Variants in ASTN1 observed in about 807,000 individuals in gnomAD.
ASTN1 encodes the protein astrotactin-1.
A neutral mutation model predicts 140.7 loss-of-function variants in ASTN1; 41 were observed. The observed-to-expected ratio is 0.29, with a 90% CI of 0.23 to 0.38. The LOEUF (loss-of-function observed/expected upper bound fraction) is 0.38, where lower values mean the gene tolerates loss of function less well. Among genes scored for constraint, ASTN1 ranks in the 10% least tolerant of loss-of-function variants. ASTN1 has a pLI of 1.00. For missense variants in ASTN1, 1,479 were observed against 1,678.8 expected (o/e 0.88, Z 2.08); for synonymous variants, 640 against 652.2 (o/e 0.98, Z 0.29).
chr1:177,056,562 C>CATATATATATAT (rs146444597), intron 2 of ASTN1, among the ~76,000 whole-genome samples: 8 of 136,320 alleles, frequency 5.9e-5, no homozygotes, highest in Admixed American at 1.5e-4. Flanking sequence ...AGAAAAATTT[C>CATATATATATAT]ATATATATAT....
Position 176,899,405 on chromosome 1 carries a change from T to G in ASTN1, c.2672-4575A>C, listed in dbSNP as rs554787930. On this transcript the variant is annotated intron_variant, in intron 16 of 22. Transcript: ENST00000361833. ...GGTAACTGACAGGCCATGAGGTGAA[T>G]TAGTTGTTAGGAAGTAAATTGGTAC... 7.9e-5 allele frequency among the ~76,000 whole-genome samples: 12 copies of G among 151,946 alleles called. 1 individual carries two copies. The East Asian group carries it at 1.9e-3, about 25-fold the overall frequency.
At chr1:177,015,015 T>C (rs1675478150) in intron 7 of ASTN1, 140 bp from the exon 8 acceptor site, 2 of 699,714 alleles carry the variant, frequency 2.9e-6, no homozygotes, top group Non-Finnish European at 4.9e-6. Flanking sequence ...AGTTCCATTA[T>C]GTCATATACT....
downstream of ASTN1, among the ~76,000 whole-genome samples, chr1:176,858,582 A>C (rs1179820067): frequency 6.6e-6 from 1 of 152,226 alleles, no homozygotes; most frequent in African/African-American, 2.4e-5. Context: ...AGTGAGAGTC[A>C]CAATTTCTTG....
At chr1:176,940,901 G>T (rs74127263) in intron 14 of ASTN1, among the ~76,000 whole-genome samples, 4,044 of 152,274 alleles carry the variant, frequency 0.027, 163 homozygotes, top group African/African-American at 0.091. Flanking sequence ...TTACTGCAGG[G>T]CTTCTAGGAA....
intron 16 of ASTN1, among the ~76,000 whole-genome samples, chr1:176,901,476 G>A (rs1206833703): frequency 1.3e-5 from 2 of 152,202 alleles, no homozygotes; most frequent in Non-Finnish European, 1.5e-5. Flanking sequence ...AAGAGCAGCT[G>A]GGGTGAAAGG....
rs143170220 is a variant in ASTN1, at chr1:176,917,202, T to G, written c.2671+16950A>C. Reference sequence around the variant, plus strand: ...TGTAATTTCTGGTTTCCTAGACTCTTCCCAGAGACTTGATGAACAACTTGA... The same window carrying G: ...TGTAATTTCTGGTTTCCTAGACTCTGCCCAGAGACTTGATGAACAACTTGA... On this transcript the variant is annotated intron_variant, in intron 16 of 22. Coordinates refer to ENST00000361833, the MANE Select transcript of ASTN1 (RefSeq NM_004319.3). Among the ~76,000 whole-genome samples, 26 of 152,256 alleles carry G rather than the reference T, an allele frequency of 1.7e-4. No individual in the cohort carries two copies. In the East Asian group the frequency reaches 4.8e-3, roughly 28 times the overall value.
At chr1:177,086,525 A>T (rs1679476893) in intron 1 of ASTN1, among the ~76,000 whole-genome samples, 1 of 152,198 alleles carries the variant, frequency 6.6e-6, no homozygotes, top group Admixed American at 6.6e-5. Context: ...AGCAGAAGGG[A>T]TGGATAAATG....
chr1:176,925,824 T>TTG (rs1300003357), intron 16 of ASTN1, among the ~76,000 whole-genome samples: 2 of 151,832 alleles, frequency 1.3e-5, no homozygotes, highest in Non-Finnish European at 2.9e-5. Flanking sequence ...TTTTTTTTTT[T>TTG]TTGAGGAGTC....
At chr1:177,037,102 G>A (rs1199747424) in intron 2 of ASTN1, among the ~76,000 whole-genome samples, 1 of 152,166 alleles carries the variant, frequency 6.6e-6, no homozygotes, top group Admixed American at 6.5e-5. Flanking sequence ...TTACAGGTAT[G>A]AGGAACTGAG....
chr1:177,154,608 C>T (rs571709696), intron 1 of ASTN1, among the ~76,000 whole-genome samples: 2 of 152,016 alleles, frequency 1.3e-5, no homozygotes, highest in Non-Finnish European at 2.9e-5. Flanking sequence ...TATGACACCA[C>T]CATTTCCTTG....
intron 2 of ASTN1, among the ~76,000 whole-genome samples, chr1:177,048,389 C>T (rs1044797838): frequency 3.9e-5 from 6 of 152,208 alleles, no homozygotes; most frequent in Non-Finnish European, 7.3e-5. Flanking sequence ...CAGAGTCCAC[C>T]ATCCTACCAG....
At chr1:177,103,488 C>T (rs1314544526) in intron 1 of ASTN1, among the ~76,000 whole-genome samples, 1 of 151,942 alleles carries the variant, frequency 6.6e-6, no homozygotes, top group Non-Finnish European at 1.5e-5. Context: ...GGGAGAGCAC[C>T]CATGGAGACT....
intron 2 of ASTN1, among the ~76,000 whole-genome samples, chr1:177,037,688 A>G (rs1172462346): frequency 6.6e-6 from 1 of 152,200 alleles, no homozygotes; most frequent in African/African-American, 2.4e-5. Context: ...CAAAACATGG[A>G]ATTGCTTTGC....
chr1:177,118,867 G>A (rs778498980), intron 1 of ASTN1, among the ~76,000 whole-genome samples: 3 of 152,178 alleles, frequency 2.0e-5, no homozygotes, highest in Non-Finnish European at 4.4e-5. Flanking sequence ...GGGGACTGTG[G>A]CTGCAAAGAG....
At chr1:177,037,504 T>C (rs1345242141) in intron 2 of ASTN1, among the ~76,000 whole-genome samples, 1 of 152,230 alleles carries the variant, frequency 6.6e-6, no homozygotes, top group Non-Finnish European at 1.5e-5. Flanking sequence ...TGAGTTTCTG[T>C]TTTACCCTAG....
chr1:176,985,373 C>T (rs903433105), intron 8 of ASTN1, among the ~76,000 whole-genome samples: 9 of 152,064 alleles, frequency 5.9e-5, no homozygotes, highest in South Asian at 2.1e-4. Flanking sequence ...CTCTCTCCCC[C>T]GCTTGTCTCC....
At chr1:176,945,386 G>A (rs946738146) in intron 13 of ASTN1, among the ~76,000 whole-genome samples, 2 of 152,124 alleles carry the variant, frequency 1.3e-5, no homozygotes, top group African/African-American at 4.8e-5. Context: ...CATGAGAGAA[G>A]TAATATTTTA....
intron 1 of ASTN1, among the ~76,000 whole-genome samples, chr1:177,148,298 G>A (rs1374066886): frequency 2.0e-5 from 3 of 151,802 alleles, no homozygotes; most frequent in Non-Finnish European, 4.4e-5. Context: ...GGCACCTGTA[G>A]TCCCAGCTAC....
At chr1:176,934,898 G>C (rs1276538844) in intron 15 of ASTN1, among the ~76,000 whole-genome samples, 1 of 152,156 alleles carries the variant, frequency 6.6e-6, no homozygotes, top group Non-Finnish European at 1.5e-5. Context: ...GTAGACATGG[G>C]CAATAAGAAG....
Sources: allele counts gnomAD v4.1 joint callset (sites outside exome capture counted in the v4.1 genomes callset), GRCh38; gene constraint gnomAD v4.1.1; transcripts MANE v1.5; gene names NCBI Gene and HGNC (gene_info 2026-07-23, HGNC 2026-07-21).